FLT3: variants seen among roughly 807,000 people sequenced by gnomAD.
The protein encoded by FLT3 is receptor-type tyrosine-protein kinase FLT3.
In FLT3, 46 loss-of-function variants were observed where a neutral mutation model predicts 126.6. The ratio of observed to expected loss-of-function variants is 0.36; its 90% CI spans 0.29 to 0.46. FLT3 has a LOEUF of 0.46. Among genes scored for constraint, FLT3 ranks in the 20% least tolerant of loss-of-function variants. The probability of loss-of-function intolerance (pLI) is 1.00; values close to 1 mark genes in which losing one functional copy is unlikely to be tolerated. For synonymous variants in FLT3, 404 were observed against 434.4 expected, an observed-to-expected ratio of 0.93 and a Z score of 0.87; for missense variants, 1,069 against 1,190.3, an observed-to-expected ratio of 0.90 and a Z score of 1.50.
At chr13:28,016,082 G>A (rs1198095503) in intron 20 of FLT3, among the ~76,000 whole-genome samples, 1 of 152,052 alleles carries the variant, frequency 6.6e-6, no homozygotes, top group Non-Finnish European at 1.5e-5. Context: ...ACCTTTAGTG[G>A]AAATGTCATC....
Position 28,037,301 on chromosome 13 carries a change from G to A in FLT3, c.1206-13C>T. On this transcript the variant is annotated splice_polypyrimidine_tract_variant and intron_variant, in intron 9 of 23. Coordinates refer to ENST00000241453, the MANE Select transcript of FLT3 (RefSeq NM_004119.3). ...AAACTTGGATATGCTGTTTGAAAAA[G>A]AATTAAAGACAGATTTAGCCCAATT... 2 of 1,526,688 alleles carry A rather than the reference G, an allele frequency of 1.3e-6. No homozygotes were observed. Among genetic ancestry groups the A allele is most frequent in the South Asian group, 1.1e-5 (1 of 89,164 alleles). 94.6% of individuals were successfully genotyped at this position (1,526,688 alleles called of 1,614,324 possible). A position where few individuals can be genotyped will look rare whatever the true frequency, so the allele number is the denominator to read the frequency against.
At chr13:28,072,545 C>T (rs1261527744) in intron 1 of FLT3, among the ~76,000 whole-genome samples, 3 of 152,066 alleles carry the variant, frequency 2.0e-5, no homozygotes, top group Non-Finnish European at 4.4e-5. Flanking sequence ...CACGGGTGTG[C>T]GCCATCATGC....
intron 15 of FLT3, among the ~76,000 whole-genome samples, chr13:28,031,088 C>T (rs1376782653): frequency 6.6e-6 from 1 of 151,706 alleles, no homozygotes; most frequent in East Asian, 1.9e-4. Flanking sequence ...TTTAGCCGGG[C>T]GTGGTGGTGG....
intron 9 of FLT3, among the ~76,000 whole-genome samples, chr13:28,040,861 G>A (rs1057016171): frequency 5.3e-5 from 8 of 150,672 alleles, no homozygotes; most frequent in South Asian, 2.1e-4. Flanking sequence ...TTAGCTGGGT[G>A]CGATGGCACA....
Position 28,014,526 on chromosome 13 carries a change from C to A in FLT3, c.2785G>T (p.Asp929Tyr), listed in dbSNP as rs770301265. The change falls in exon 23 of 24, where the codon GAC becomes TAC. Residue 929 changes from aspartate to tyrosine, a missense_variant. By Grantham distance (160) the Asp-to-Tyr change is radical. Transcript: ENST00000241453. ...GGGAAGGATGGCCGTTTCCTTGAGT[C>A]AAAAGCCCAGCAGGATTGCATTATA... is the stretch of plus-strand genomic sequence containing the variant. ...YIIMQSCWAF[D>Y]SRKRPSFPNL... The A allele has an allele frequency of 2.5e-6, 4 of 1,613,844 alleles. No homozygotes were observed. The highest frequency in any genetic ancestry group is 1.6e-4 in the Middle Eastern group (1 of 6,062).
At chr13:28,073,459 C>T in intron 1 of FLT3, 3 of 361,882 alleles carry the variant, frequency 8.3e-6, no homozygotes, top group Admixed American at 3.3e-5. Context: ...TAATCTGAGA[C>T]AGTCTCAGAA....
At chr13:28,070,110 C>G (rs1877373321) in intron 2 of FLT3, among the ~76,000 whole-genome samples, 1 of 152,118 alleles carries the variant, frequency 6.6e-6, no homozygotes, top group Non-Finnish European at 1.5e-5. Context: ...ATGAGACTGT[C>G]TCAAAAATAT....
intron 1 of FLT3, among the ~76,000 whole-genome samples, chr13:28,094,387 A>G (rs1223781608): frequency 6.6e-6 from 1 of 152,196 alleles, no homozygotes; most frequent in Non-Finnish European, 1.5e-5. Flanking sequence ...GCAGTAAAAA[A>G]ATGTATATTT....
intron 4 of FLT3, among the ~76,000 whole-genome samples, chr13:28,055,259 G>T (rs1214573580): frequency 6.6e-6 from 1 of 152,180 alleles, no homozygotes; most frequent in African/African-American, 2.4e-5. Flanking sequence ...AATCCCAAAA[G>T]AATTTCCTCT....
intron 23 of FLT3, among the ~76,000 whole-genome samples, chr13:28,005,459 A>G (rs1175640105): frequency 2.6e-5 from 4 of 152,212 alleles, no homozygotes; most frequent in Admixed American, 6.5e-5. Flanking sequence ...TGAATTATCA[A>G]TATATTGTTA....
At chr13:28,038,452 G>GT (rs1268645868) in intron 9 of FLT3, among the ~76,000 whole-genome samples, 914 of 144,428 alleles carry the variant, frequency 6.3e-3, no homozygotes, top group Non-Finnish European at 7.5e-3. Context: ...CCTACTGAAA[G>GT]TTTTTTTTTT....
intron 1 of FLT3, among the ~76,000 whole-genome samples, chr13:28,072,187 T>C (rs1225360758): frequency 3.3e-5 from 5 of 150,786 alleles, no homozygotes; most frequent in East Asian, 1.9e-4. Context: ...TGTATATGTA[T>C]ATATTAAGTA....
At chr13:28,084,792 G>A (rs917960960) in intron 1 of FLT3, among the ~76,000 whole-genome samples, 4 of 151,820 alleles carry the variant, frequency 2.6e-5, no homozygotes, top group African/African-American at 7.3e-5. Context: ...TGGCTAACAC[G>A]GTGAAACCCC....
chr13:28,032,981 C>T (rs908056656), intron 15 of FLT3, among the ~76,000 whole-genome samples: 15 of 152,054 alleles, frequency 9.9e-5, no homozygotes, highest in African/African-American at 3.1e-4. Context: ...GACGCCAGAT[C>T]GGAATGGATG....
At chr13:28,081,613 G>A (rs1878315444) in intron 1 of FLT3, among the ~76,000 whole-genome samples, 2 of 151,838 alleles carry the variant, frequency 1.3e-5, no homozygotes, top group African/African-American at 2.4e-5. Flanking sequence ...GTCTTAATAC[G>A]TTGGCTAAAA....
Position 28,052,515 on chromosome 13 carries a change from A to G in FLT3, c.614+30T>C, listed in dbSNP as rs562746177. The stretch of plus-strand genomic sequence containing the variant: ...AGAAAAAGGCCAAAAGGAAATTATG[A>G]GAATAGCAGCTACCATGGATGTGTC... On this transcript the variant is annotated intron_variant, in intron 5 of 23. Coordinates refer to ENST00000241453, the MANE Select transcript of FLT3 (RefSeq NM_004119.3). 14 of 1,575,754 alleles carry G rather than the reference A, an allele frequency of 8.9e-6. 1 individual carries two copies. The South Asian group carries it at 1.2e-4, about 13-fold the overall frequency.
At chr13:28,080,377 A>AAAAT (rs915967710) in intron 1 of FLT3, among the ~76,000 whole-genome samples, 9 of 152,320 alleles carry the variant, frequency 5.9e-5, no homozygotes, top group East Asian at 1.9e-4. Context: ...CTCCATCTCA[A>AAAAT]AAATAAATAA....
intron 11 of FLT3, 57 bp downstream of exon 11, chr13:28,035,878 A>G: frequency 7.2e-7 from 1 of 1,383,704 alleles, no homozygotes; most frequent in Non-Finnish European, 1.0e-6. Context: ...TGAAAGAGTC[A>G]ATAGGTCAGA....
At position 28,015,112 on chromosome 13, in the gene FLT3, G is replaced by C. The variant is rs1340125223; in HGVS notation, c.2753+45C>G. On this transcript the variant is annotated intron_variant, in intron 22 of 23. Transcript: ENST00000241453. ...TCATGCATTTGGAAGTAGACAGACTGTACCTTTCTGATTTCAACCAAATTA... is the reference window on the plus strand; with the variant it reads ...TCATGCATTTGGAAGTAGACAGACTCTACCTTTCTGATTTCAACCAAATTA... 2.5e-6 allele frequency: 3 copies of C among 1,213,992 alleles called. No individual in the cohort carries two copies. The Admixed American group carries it at 5.4e-5, about 22-fold the overall frequency. The allele number at this position is 1,213,992 out of a possible 1,614,324, so 75.2% of individuals were successfully genotyped here. A position where few individuals can be genotyped will look rare whatever the true frequency, so the allele number is the denominator to read the frequency against.
Sources: allele counts gnomAD v4.1 joint callset (sites outside exome capture counted in the v4.1 genomes callset), GRCh38; gene constraint gnomAD v4.1.1; transcripts MANE v1.5; gene names NCBI Gene and HGNC (gene_info 2026-07-23, HGNC 2026-07-21).